MAP4: variants seen among roughly 807,000 people sequenced by gnomAD.
MAP4 encodes the protein microtubule-associated protein 4.
Under a neutral mutation model 170.2 loss-of-function variants are expected in MAP4, and 76 were observed. The ratio of observed to expected loss-of-function variants is 0.45; its 90% CI spans 0.37 to 0.54. MAP4 has a LOEUF of 0.54. MAP4 is among the 20% of genes least tolerant of loss of function. MAP4 has a pLI of 0.00. For missense variants in MAP4, 2,506 were observed against 2,748.0 expected (o/e 0.91, Z 1.97); for synonymous variants, 909 against 994.5 (o/e 0.91, Z 1.62).
At chr3:47,927,946 T>C (rs1478776955) in intron 4 of MAP4, among the ~76,000 whole-genome samples, 2 of 152,258 alleles carry the variant, frequency 1.3e-5, no homozygotes, top group African/African-American at 4.8e-5. Flanking sequence ...TAATTCCTTC[T>C]GGAAGAATTA....
chr3:47,968,608 T>C (rs2100076555), intron 3 of MAP4, among the ~76,000 whole-genome samples: 1 of 152,122 alleles, frequency 6.6e-6, no homozygotes, highest in African/African-American at 2.4e-5. Flanking sequence ...GGGAAATTTA[T>C]AGCCATAAAC....
intron 1 of MAP4, among the ~76,000 whole-genome samples, chr3:48,026,551 CTTGTCTTTAAGATT>C (rs1353354057): frequency 6.6e-6 from 1 of 152,074 alleles, no homozygotes; most frequent in Non-Finnish European, 1.5e-5. Flanking sequence ...ACTTATTTCC[CTTGTCTTTAAGATT>C]TTTCTAGAAG....
At position 47,941,447 on chromosome 3, in the gene MAP4, T is replaced by C. The variant is rs1164880592; in HGVS notation, c.293-13097A>G. Among the ~76,000 whole-genome samples the C allele has an allele frequency of 2.0e-5, 3 of 151,790 alleles. No individual in the cohort carries two copies. In the East Asian group the frequency reaches 5.8e-4, roughly 29 times the overall value. On this transcript the variant is annotated intron_variant, in intron 3 of 20. Transcript: ENST00000683076. ...GCAGAGGCAGATATAAAAATACAGCTGTGTTCTATTAAGACAGACATTAAA... is the reference window on the plus strand; with the variant it reads ...GCAGAGGCAGATATAAAAATACAGCCGTGTTCTATTAAGACAGACATTAAA...
At chr3:47,957,124 T>C (rs1049984187) in intron 3 of MAP4, among the ~76,000 whole-genome samples, 9 of 152,208 alleles carry the variant, frequency 5.9e-5, no homozygotes, top group Non-Finnish European at 1.0e-4. Flanking sequence ...CATGAACTTA[T>C]ATATAAGTGC....
chr3:47,884,150 G>T (rs936098322), intron 10 of MAP4, among the ~76,000 whole-genome samples: 8 of 152,142 alleles, frequency 5.3e-5, no homozygotes, highest in East Asian at 3.8e-4. Context: ...ATTGTCCCAT[G>T]GGTCTGAAGA....
At chr3:47,913,259 T>C (rs35977971) in intron 8 of MAP4, among the ~76,000 whole-genome samples, 356 of 152,312 alleles carry the variant, frequency 2.3e-3, no homozygotes, top group Non-Finnish European at 3.6e-3. Flanking sequence ...AGAGCAGGTA[T>C]ATGCCAGCTC....
intron 1 of MAP4, among the ~76,000 whole-genome samples, chr3:48,013,824 G>C (rs1366414717): frequency 6.6e-6 from 1 of 151,698 alleles, no homozygotes; most frequent in Non-Finnish European, 1.5e-5. Context: ...ACCCAGTTCT[G>C]GCTAACATCA....
intron 5 of MAP4, among the ~76,000 whole-genome samples, chr3:47,920,155 G>A (rs375874771): frequency 4.6e-5 from 7 of 152,196 alleles, no homozygotes; most frequent in Middle Eastern, 3.4e-3. Context: ...ATTTTTAGTC[G>A]AGACAGTGTT....
At chr3:47,946,308 C>T (rs1578115207) in intron 3 of MAP4, among the ~76,000 whole-genome samples, 2 of 151,764 alleles carry the variant, frequency 1.3e-5, no homozygotes, top group African/African-American at 4.8e-5. Flanking sequence ...TAAATCAACA[C>T]ATTCTAAGAA....
intron 1 of MAP4, among the ~76,000 whole-genome samples, chr3:48,052,121 T>A (rs2100128226): frequency 6.6e-6 from 1 of 152,186 alleles, no homozygotes; most frequent in African/African-American, 2.4e-5. Flanking sequence ...ACTCTACCCC[T>A]ACGCCAACTG....
At position 47,909,466 on chromosome 3, in the gene MAP4, A is replaced by C. The variant is rs1326547447; in HGVS notation, c.4955T>G (p.Leu1652Trp). Residue 1652 changes from leucine to tryptophan, a missense_variant, in exon 9 of 21, where the codon TTG becomes TGG. By Grantham distance (61) the Leu-to-Trp change is moderately conservative (BLOSUM62 -2). Around this residue, in one of 3 missense-constraint regions of MAP4, gnomAD observed 2,008 missense variants for 2,206.0 expected, o/e 0.91. Coordinates refer to ENST00000683076, the MANE Select transcript of MAP4 (RefSeq NM_001385682.1). ...QDRNSKGSDS[L>W]NKKVDLTLLS... ...AAGAGTCAGATCTACCTTCTTATTC[A>C]AACTATCTGAACCTTTGGAATTTCT... 6.2e-7 allele frequency: 1 copy of C among 1,613,822 alleles called. No homozygotes were observed. Among genetic ancestry groups the C allele is most frequent in the East Asian group, 2.2e-5 (1 of 44,882 alleles).
At chr3:48,026,986 C>T (rs764015415) in intron 1 of MAP4, among the ~76,000 whole-genome samples, 17 of 152,166 alleles carry the variant, frequency 1.1e-4, no homozygotes, top group South Asian at 2.1e-4. Flanking sequence ...ATATGCATCA[C>T]CCATTACTAT....
intron 1 of MAP4, among the ~76,000 whole-genome samples, chr3:48,085,191 T>TAAAAAAAA: frequency 1.0e-5 from 1 of 98,844 alleles, no homozygotes; most frequent in Non-Finnish European, 2.1e-5. Flanking sequence ...GCTTAATCTT[T>TAAAAAAAA]AAAAAAAAAA....
At chr3:48,084,533 A>T (rs1221540818) in intron 1 of MAP4, among the ~76,000 whole-genome samples, 1 of 151,900 alleles carries the variant, frequency 6.6e-6, no homozygotes, top group Admixed American at 6.6e-5. Flanking sequence ...GATGAGTATG[A>T]TGAATATGAT....
At chr3:47,927,881 A>G (rs2100046978) in intron 4 of MAP4, among the ~76,000 whole-genome samples, 1 of 152,242 alleles carries the variant, frequency 6.6e-6, no homozygotes, top group Admixed American at 6.5e-5. Flanking sequence ...ATGTGTATAT[A>G]AAGGCTCTAG....
chr3:47,916,917 T>C lies in MAP4; in HGVS notation c.910A>G (p.Lys304Glu), dbSNP rs772391959. 2 of 1,614,260 alleles carry C rather than the reference T, an allele frequency of 1.2e-6. No individual in the cohort carries two copies. Among genetic ancestry groups the C allele is most frequent in the South Asian group, 1.1e-5 (1 of 91,088 alleles). Residue 304 changes from lysine to glutamate, a missense_variant, in exon 7 of 21, where the codon AAG (lysine) becomes GAG (glutamate). By Grantham distance (56) the Lys-to-Glu change is moderately conservative. Coordinates refer to ENST00000683076, the MANE Select transcript of MAP4 (RefSeq NM_001385682.1). ...PSMESDMALV[K>E]DMELPTEKEV... ...TTTTCTGTGGGTAGTTCCATGTCCT[T>C]GACTAGGGCCATATCTGATTCCATG...
intron 4 of MAP4, among the ~76,000 whole-genome samples, chr3:47,927,086 G>A (rs1234602946): frequency 6.6e-6 from 1 of 150,942 alleles, no homozygotes; most frequent in Non-Finnish European, 1.5e-5. Flanking sequence ...TTGAACTCAG[G>A]AGGCAGAGGT....
chr3:48,046,027 T>C (rs961441779), intron 1 of MAP4, among the ~76,000 whole-genome samples: 3 of 151,456 alleles, frequency 2.0e-5, no homozygotes, highest in African/African-American at 7.3e-5. Flanking sequence ...TCTTCACTTA[T>C]GTAGATAAGC....
At chr3:47,898,322 T>G (rs954907985) in intron 10 of MAP4, among the ~76,000 whole-genome samples, 7 of 151,902 alleles carry the variant, frequency 4.6e-5, no homozygotes, top group Non-Finnish European at 8.8e-5. Flanking sequence ...GCCAACGTGA[T>G]GAAACCCTGT....
Sources: gnomAD v4.1 joint callset for allele counts (sites outside exome capture counted in the v4.1 genomes callset) on GRCh38, gnomAD v4.1.1 for gene constraint, gnomAD v4.1.1 regional missense constraint, MANE v1.5 for transcripts, NCBI Gene and HGNC (gene_info 2026-07-23, HGNC 2026-07-21) for gene names.